Variants in RBFOX1 observed in about 807,000 individuals in gnomAD.
RBFOX1 encodes RNA binding protein fox-1 homolog 1.
Under a neutral mutation model 57.7 loss-of-function variants are expected in RBFOX1, and 8 were observed. That is an observed-to-expected ratio of 0.14 (90% CI 0.08 to 0.25). RBFOX1 has a LOEUF of 0.25. RBFOX1 is among the 10% of genes least tolerant of loss of function. The pLI is 1.00. For missense variants in RBFOX1, 611 were observed against 548.5 expected (o/e 1.11, Z -1.14); for synonymous variants, 326 against 222.4 (o/e 1.47, Z -4.15).
chr16:7,023,703 G>C (rs972128258), intron 3 of RBFOX1, among the ~76,000 whole-genome samples: 12 of 151,778 alleles, frequency 7.9e-5, no homozygotes, highest in Non-Finnish European at 1.5e-4. Flanking sequence ...TCAGAGATGG[G>C]TGTTACTTAC....
At chr16:6,379,767 T>C (rs1023608561) in intron 2 of RBFOX1, among the ~76,000 whole-genome samples, 4 of 151,700 alleles carry the variant, frequency 2.6e-5, no homozygotes, top group East Asian at 1.9e-4. Flanking sequence ...GAGAAAATCA[T>C]TGATGAGAAA....
chr16:7,079,148 G>C (rs1436181960), intron 4 of RBFOX1, among the ~76,000 whole-genome samples: 1 of 152,036 alleles, frequency 6.6e-6, no homozygotes, highest in Non-Finnish European at 1.5e-5. Flanking sequence ...GTCTGTTGCT[G>C]TAGGATTATA....
intron 2 of RBFOX1, among the ~76,000 whole-genome samples, chr16:6,454,884 T>TG (rs1567313849): frequency 8.2e-6 from 1 of 121,396 alleles, no homozygotes; most frequent in Non-Finnish European, 1.7e-5. Flanking sequence ...TTTTTTTTTT[T>TG]TTTTTTTTTT....
chr16:6,873,185 A>G (rs114408655), intron 3 of RBFOX1, among the ~76,000 whole-genome samples: 2,058 of 152,070 alleles, frequency 0.014, 50 homozygotes, highest in African/African-American at 0.046. Context: ...TGAAGAAGGA[A>G]TAAACGAGGA....
At position 5,364,927 on chromosome 16, in the gene RBFOX1, C is replaced by T. The variant is rs142089970; in HGVS notation, c.220-102289C>T. ...ATGATGTCACGCTGGACAGTAGGGT[C>T]GCCTAAGAAGCTTAAAGGATGCTGA... is the stretch of plus-strand genomic sequence containing the variant. On this transcript the variant is annotated intron_variant, in intron 1 of 2. Coordinates refer to the RBFOX1 transcript ENST00000585867. Among the ~76,000 whole-genome samples, 757 of 152,168 alleles carry T rather than the reference C, an allele frequency of 5.0e-3. 10 individuals are homozygous for T. Among genetic ancestry groups the T allele is most frequent in the African/African-American group, 0.017 (701 of 41,502 alleles).
At chr16:7,707,969 C>A (rs1411536794) in intron 14 of RBFOX1, among the ~76,000 whole-genome samples, 1 of 152,208 alleles carries the variant, frequency 6.6e-6, no homozygotes, top group Non-Finnish European at 1.5e-5. Flanking sequence ...TTCAAACTAT[C>A]TCCAGGAAAA....
intron 2 of RBFOX1, among the ~76,000 whole-genome samples, chr16:6,350,493 A>C (rs942697971): frequency 2.8e-4 from 35 of 125,544 alleles, no homozygotes; most frequent in African/African-American, 6.7e-4. Flanking sequence ...AAAAAAAAAA[A>C]AAAAAACAGT....
intron 1 of RBFOX1, among the ~76,000 whole-genome samples, chr16:5,334,889 T>C (rs1399135656): frequency 6.6e-6 from 1 of 151,952 alleles, no homozygotes; most frequent in African/African-American, 2.4e-5. Flanking sequence ...TGTTTTAGTT[T>C]TGCTGTTATC....
At chr16:7,420,937 A>G (rs2098536203) in intron 4 of RBFOX1, among the ~76,000 whole-genome samples, 2 of 143,822 alleles carry the variant, frequency 1.4e-5, no homozygotes, top group African/African-American at 2.6e-5. Context: ...ACATATATAT[A>G]TACACACACA....
At chr16:7,228,476 C>T (rs527865005) in intron 4 of RBFOX1, among the ~76,000 whole-genome samples, 6 of 152,242 alleles carry the variant, frequency 3.9e-5, no homozygotes, top group East Asian at 3.9e-4. Flanking sequence ...TAGGTGTTCT[C>T]ATTGAACTTG....
intron 2 of RBFOX1, among the ~76,000 whole-genome samples, chr16:6,438,703 G>A (rs775571961): frequency 1.3e-5 from 2 of 152,082 alleles, no homozygotes; most frequent in African/African-American, 2.4e-5. Flanking sequence ...GCAGATGTTC[G>A]GGCTTTCCAT....
chr16:5,820,705 C>T (rs570225182), intron 3 of RBFOX1, among the ~76,000 whole-genome samples: 45 of 152,272 alleles, frequency 3.0e-4, no homozygotes, highest in African/African-American at 9.6e-4. Flanking sequence ...TGTTGGGACG[C>T]GACTCCAGCA....
intron 4 of RBFOX1, among the ~76,000 whole-genome samples, chr16:7,254,386 A>G (rs1397243705): frequency 6.6e-6 from 1 of 152,070 alleles, no homozygotes; most frequent in Non-Finnish European, 1.5e-5. Context: ...TATCTAGCAC[A>G]TTTCTTAGAT....
Position 7,641,585 on chromosome 16 carries a change from T to C in RBFOX1, c.757+10902T>C, listed in dbSNP as rs146029888. 1.8e-3 allele frequency among the ~76,000 whole-genome samples: 281 copies of C among 152,320 alleles called. 1 individual carries two copies. The highest frequency in any genetic ancestry group is 6.5e-3 in the African/African-American group (272 of 41,560). On this transcript the variant is annotated intron_variant, in intron 11 of 15. Transcript: ENST00000550418. ...GAAAGCAAACAGAAAGGCACAACCA[T>C]CTATGGGTATTTATTATCCCTACCC...
intron 2 of RBFOX1, among the ~76,000 whole-genome samples, chr16:6,646,357 C>A (rs1448313433): frequency 6.6e-6 from 1 of 152,136 alleles, no homozygotes; most frequent in Non-Finnish European, 1.5e-5. Context: ...ACAATATCAT[C>A]TAAATAAAAA....
In RBFOX1 at chr16:7,029,655, A is replaced by G. The variant is rs2042287506; in HGVS notation, c.-15-22402A>G. On this transcript the variant is annotated intron_variant, in intron 3 of 15. Coordinates refer to ENST00000550418, the MANE Select transcript of RBFOX1 (RefSeq NM_018723.4). ...AGGGTATGAGATTTGAAATGCGGAA[A>G]TAGGATATTCTAATTTTCAAAACAG... Among the ~76,000 whole-genome samples, 5 of 152,152 alleles carry G rather than the reference A, an allele frequency of 3.3e-5. No homozygotes were observed. The South Asian group carries it at 1.0e-3, about 32-fold the overall frequency.
At chr16:5,581,357 A>G (rs2046659638) in intron 2 of RBFOX1, among the ~76,000 whole-genome samples, 1 of 152,228 alleles carries the variant, frequency 6.6e-6, no homozygotes. Context: ...CATTTGTGTA[A>G]TTAAACACTC....
Position 7,162,266 on chromosome 16 carries a change from C to A in RBFOX1, c.27+110168C>A, listed in dbSNP as rs1472142589. ...ACTCATCCATCATCTACTTATATTT[C>A]CTCTCTCTCCATATGTATATATATG... On this transcript the variant is annotated intron_variant, in intron 4 of 15. Transcript: ENST00000550418. 2.6e-5 allele frequency among the ~76,000 whole-genome samples: 4 copies of A among 152,236 alleles called. No homozygotes were observed. In the East Asian group the frequency reaches 5.8e-4, roughly 22 times the overall value.
intron 1 of RBFOX1, among the ~76,000 whole-genome samples, chr16:5,427,455 C>T (rs142565884): frequency 7.9e-5 from 12 of 152,168 alleles, no homozygotes; most frequent in Admixed American, 2.0e-4. Context: ...CATAGTGGCA[C>T]GTGCCTGTAA....
Sources: gnomAD v4.1 joint callset for allele counts (sites outside exome capture counted in the v4.1 genomes callset) on GRCh38, gnomAD v4.1.1 for gene constraint, MANE v1.5 for transcripts, NCBI Gene and HGNC (gene_info 2026-07-23, HGNC 2026-07-21) for gene names.